SLC25A26: variants seen among roughly 807,000 people sequenced by gnomAD.
The protein encoded by SLC25A26 is solute carrier family 25 member 26, also known as mitochondrial S-adenosylmethionine carrier protein.
Under a neutral mutation model 37.8 loss-of-function variants are expected in SLC25A26, and 36 were observed. The observed-to-expected ratio is 0.95, with a 90% CI of 0.73 to 1.26. The LOEUF (loss-of-function observed/expected upper bound fraction) is 1.26, where lower values mean the gene tolerates loss of function less well. Ranked by LOEUF, SLC25A26 falls within the 50% of genes most tolerant of loss-of-function variation. SLC25A26 has a pLI of 0.00. For missense variants in SLC25A26, 390 were observed against 331.1 expected (o/e 1.18, Z -1.38); for synonymous variants, 129 against 122.5 (o/e 1.05, Z -0.35).
intron 1 of SLC25A26, among the ~76,000 whole-genome samples, chr3:66,209,757 T>C (rs2071250416): frequency 7.2e-6 from 1 of 138,322 alleles, no homozygotes; most frequent in Non-Finnish European, 1.6e-5. Context: ...TATATACAAC[T>C]TTTATAGGTA....
chr3:66,329,622 T>G (rs1164394764), intron 5 of SLC25A26, among the ~76,000 whole-genome samples: 1 of 152,222 alleles, frequency 6.6e-6, no homozygotes, highest in African/African-American at 2.4e-5. Context: ...ATTTATTACA[T>G]TTTTAAATGT....
intron 2 of SLC25A26, among the ~76,000 whole-genome samples, 165 bp from the exon 3 acceptor site, chr3:66,243,038 G>A (rs2072655082): frequency 6.6e-6 from 1 of 152,206 alleles, no homozygotes; most frequent in Non-Finnish European, 1.5e-5. Flanking sequence ...CATGGCGTCA[G>A]TAAACTCTGA....
intron 5 of SLC25A26, among the ~76,000 whole-genome samples, chr3:66,280,091 T>C (rs1333001980): frequency 6.6e-6 from 1 of 152,224 alleles, no homozygotes; most frequent in Non-Finnish European, 1.5e-5. Context: ...TCCAAGGTTT[T>C]CTCATCCTTT....
At chr3:66,310,813 A>G (rs1470193442) in intron 5 of SLC25A26, among the ~76,000 whole-genome samples, 2 of 152,172 alleles carry the variant, frequency 1.3e-5, no homozygotes. Context: ...AATGTTGAAT[A>G]TTGGCCTTTA....
At chr3:66,375,725 T>C (rs1700609595) in intron 9 of SLC25A26, among the ~76,000 whole-genome samples, 2 of 152,284 alleles carry the variant, frequency 1.3e-5, no homozygotes, top group African/African-American at 4.8e-5. Context: ...TTTCCGCTCA[T>C]TGACAGTGTA....
chr3:66,158,970 G>T (rs1163242469), intron 1 of SLC25A26, among the ~76,000 whole-genome samples: 1 of 152,096 alleles, frequency 6.6e-6, no homozygotes, highest in Non-Finnish European at 1.5e-5. Context: ...CATGCAGGGG[G>T]AGGTGCTGAG....
At chr3:66,185,606 C>T (rs1260750394) in intron 1 of SLC25A26, among the ~76,000 whole-genome samples, 1 of 152,028 alleles carries the variant, frequency 6.6e-6, no homozygotes, top group East Asian at 1.9e-4. Flanking sequence ...TAACAATGAC[C>T]TTCTACCTGA....
intron 1 of SLC25A26, among the ~76,000 whole-genome samples, chr3:66,143,257 G>C (rs1449930178): frequency 6.6e-6 from 1 of 151,900 alleles, no homozygotes; most frequent in Non-Finnish European, 1.5e-5. Context: ...CATTTAAGTT[G>C]TTTCTACCTT....
At chr3:66,250,412 C>G (rs2073036605) in intron 3 of SLC25A26, among the ~76,000 whole-genome samples, 1 of 152,206 alleles carries the variant, frequency 6.6e-6, no homozygotes, top group Non-Finnish European at 1.5e-5. Context: ...TACGATGGTT[C>G]TACTTAAATG....
At chr3:66,141,967 ACTTTC>A (rs909745713) in intron 1 of SLC25A26, among the ~76,000 whole-genome samples, 89 of 152,308 alleles carry the variant, frequency 5.8e-4, no homozygotes, top group African/African-American at 2.1e-3. Context: ...ATTTATTTTC[ACTTTC>A]CTTTATTTAA....
chr3:66,183,707 C>A (rs2070761205), intron 1 of SLC25A26, among the ~76,000 whole-genome samples: 1 of 152,038 alleles, frequency 6.6e-6, no homozygotes, highest in Non-Finnish European at 1.5e-5. Flanking sequence ...CTCTTCCTGA[C>A]TGAACTCTGA....
chr3:66,271,361 C>G (rs565303212), intron 5 of SLC25A26, among the ~76,000 whole-genome samples: 15 of 152,204 alleles, frequency 9.9e-5, no homozygotes, highest in African/African-American at 3.6e-4. Context: ...CAAGGAGAAT[C>G]CAGTCTCTTT....
chr3:66,282,352 G>T (rs1297300230), intron 5 of SLC25A26, among the ~76,000 whole-genome samples: 5 of 152,116 alleles, frequency 3.3e-5, no homozygotes, highest in African/African-American at 9.7e-5. Context: ...CACCATGTTG[G>T]CTAGGCTAGT....
chr3:66,352,558 T>G (rs2076483120), intron 6 of SLC25A26, among the ~76,000 whole-genome samples: 1 of 152,132 alleles, frequency 6.6e-6, no homozygotes, highest in Non-Finnish European at 1.5e-5. Context: ...TTTTTTAATT[T>G]TGATTTTTTT....
intron 1 of SLC25A26, among the ~76,000 whole-genome samples, chr3:66,156,158 T>C (rs778597809): frequency 6.8e-4 from 104 of 152,030 alleles, no homozygotes; most frequent in Non-Finnish European, 3.1e-4. Flanking sequence ...TGAGAGGTGA[T>C]CATTGGCAAA....
intron 1 of SLC25A26, among the ~76,000 whole-genome samples, chr3:66,174,193 A>G (rs2070541336): frequency 6.6e-6 from 1 of 152,226 alleles, no homozygotes; most frequent in Non-Finnish European, 1.5e-5. Context: ...TTCTTCTATG[A>G]CAGATAGTTC....
At chr3:66,144,849 GA>G (rs1395664645) in intron 1 of SLC25A26, among the ~76,000 whole-genome samples, 8 of 152,160 alleles carry the variant, frequency 5.3e-5, no homozygotes, top group Non-Finnish European at 8.8e-5. Flanking sequence ...AAAGTTCTGA[GA>G]AAATGTGGAG....
intron 1 of SLC25A26, among the ~76,000 whole-genome samples, chr3:66,184,570 T>A (rs979944730): frequency 6.6e-6 from 1 of 152,190 alleles, no homozygotes; most frequent in Non-Finnish European, 1.5e-5. Context: ...TCAGGACCGT[T>A]ATGTTCACCT....
Position 66,263,324 on chromosome 3 carries a change from T to C in SLC25A26, c.406-8T>C, listed in dbSNP as rs371339827. ...CTTTCTGAACTCTCGGCTGTGTGTT[T>C]GTTTCAGGGTATCCAAGGGTTGTAT... On this transcript the variant is annotated splice_polypyrimidine_tract_variant and splice_region_variant and intron_variant, in intron 4 of 9. Coordinates refer to ENST00000354883, the MANE Select transcript of SLC25A26 (RefSeq NM_001379210.1). 6.2e-7 allele frequency: 1 copy of C among 1,610,584 alleles called. No homozygotes were observed. Among genetic ancestry groups the C allele is most frequent in the African/African-American group, 1.3e-5 (1 of 74,894 alleles).
Sources: allele counts gnomAD v4.1 joint callset (sites outside exome capture counted in the v4.1 genomes callset), GRCh38; gene constraint gnomAD v4.1.1; transcripts MANE v1.5; gene names NCBI Gene and HGNC (gene_info 2026-07-23, HGNC 2026-07-21).